The following ELP1 variants were observed in gnomAD, a reference collection of about 807,000 sequenced individuals.
ELP1 encodes the protein elongator complex protein 1.
In ELP1, 131 loss-of-function variants were observed where a neutral mutation model predicts 183.2. The observed-to-expected ratio is 0.72, with a 90% CI of 0.62 to 0.83. ELP1 has a LOEUF of 0.83. ELP1 is among the 40% of genes least tolerant of loss of function. The pLI is 0.00. For synonymous variants in ELP1, 555 were observed against 569.0 expected, an observed-to-expected ratio of 0.98 and a Z score of 0.35; for missense variants, 1,550 against 1,594.9, an observed-to-expected ratio of 0.97 and a Z score of 0.48.
chr9:108,897,005 C>G lies in ELP1; in HGVS notation c.2535G>C (p.Lys845Asn). Residue 845 changes from lysine (K) to asparagine (N), a missense_variant, in exon 24 of 37, where the codon AAG (lysine) becomes AAC (asparagine). Physicochemically the swap from Lys to Asn is moderately conservative, Grantham distance 94 (BLOSUM62 0). Coordinates refer to ENST00000374647, the MANE Select transcript of ELP1 (RefSeq NM_003640.5). ...CAATTTCCAGTTCTGGGGTTGTCTTCTTTACATGAGATGTAAGTATGGATA... is the reference window on the plus strand; with the variant it reads ...CAATTTCCAGTTCTGGGGTTGTCTTGTTTACATGAGATGTAAGTATGGATA... ...YCLSILTSHV[K>N]KTTPELEIVL... The G allele has an allele frequency of 3.7e-6, 6 of 1,614,050 alleles. No homozygotes were observed. Among genetic ancestry groups the G allele is most frequent in the Non-Finnish European group, 5.1e-6 (6 of 1,179,984 alleles).
chr9:108,889,507 G>C, intron 28 of ELP1, 114 bp from the exon 29 acceptor site: 2 of 935,042 alleles, frequency 2.1e-6, no homozygotes, highest in Middle Eastern at 4.3e-4. Flanking sequence ...GAATTTCTGT[G>C]AGGGAATAGG....
intron 27 of ELP1, 85 bp downstream of exon 27, chr9:108,892,901 G>A: frequency 1.1e-6 from 1 of 888,930 alleles, no homozygotes; most frequent in Non-Finnish European, 1.9e-6. Flanking sequence ...AGCCAAGGAT[G>A]GTGTTATGAA....
chr9:108,883,233 A>G (rs550401371), intron 29 of ELP1, among the ~76,000 whole-genome samples: 1 of 152,330 alleles, frequency 6.6e-6, no homozygotes, highest in South Asian at 2.1e-4. Context: ...GCGTGAACTC[A>G]GCTCACTGCA....
chr9:108,876,343 A>G (rs1314524883), intron 35 of ELP1, among the ~76,000 whole-genome samples: 1 of 152,212 alleles, frequency 6.6e-6, no homozygotes, highest in African/African-American at 2.4e-5. Context: ...TCTAAGAAAT[A>G]CCTATTATAA....
intron 29 of ELP1, among the ~76,000 whole-genome samples, chr9:108,883,249 A>G (rs1053368553): frequency 1.3e-5 from 2 of 152,202 alleles, no homozygotes; most frequent in Non-Finnish European, 2.9e-5. Context: ...CTGCAGTCTC[A>G]AACTTACAGG....
At position 108,868,848 on chromosome 9, in the gene ELP1, A is replaced by C; in HGVS notation, c.*267T>G. ...CATGATTACCATAATTATGCTCTCA[A>C]ACAGCCCAAGTGAAAGAACAATCAT... On this transcript the variant is annotated 3_prime_UTR_variant, in exon 37 of 37. Coordinates refer to ENST00000374647, the MANE Select transcript of ELP1 (RefSeq NM_003640.5). 2 of 598,218 alleles carry C rather than the reference A, an allele frequency of 3.3e-6. No homozygotes were observed. Among genetic ancestry groups the C allele is most frequent in the South Asian group, 2.1e-5 (1 of 48,554 alleles). 37.1% of individuals were successfully genotyped at this position (598,218 alleles called of 1,614,324 possible). A position where few individuals can be genotyped will look rare whatever the true frequency, so the allele number is the denominator to read the frequency against.
intron 28 of ELP1, among the ~76,000 whole-genome samples, chr9:108,890,197 G>A (rs12344049): frequency 0.14 from 21,103 of 152,044 alleles, 1,830 homozygotes; most frequent in African/African-American, 0.24. Context: ...GAGACCGAAC[G>A]AATAACTAAA....
At chr9:108,885,196 G>A (rs1828080442) in intron 29 of ELP1, among the ~76,000 whole-genome samples, 1 of 151,742 alleles carries the variant, frequency 6.6e-6, no homozygotes, top group Non-Finnish European at 1.5e-5. Context: ...AAAAAAGAAT[G>A]ATATAGAATA....
intron 36 of ELP1, among the ~76,000 whole-genome samples, chr9:108,872,291 G>A (rs1367559345): frequency 6.6e-6 from 1 of 152,188 alleles, no homozygotes; most frequent in African/African-American, 2.4e-5. Flanking sequence ...ACAGGAGGTA[G>A]CTACAAAATT....
At chr9:108,930,918 A>C in intron 2 of ELP1, 79 bp downstream of exon 2, 1 of 1,371,132 alleles carries the variant, frequency 7.3e-7, no homozygotes, top group Non-Finnish European at 1.0e-6. Context: ...ATAAAGAAAG[A>C]CCATGTGGGG....
At position 108,918,872 on chromosome 9, in the gene ELP1, CTCGGT is replaced by C. The variant is rs1449016398; in HGVS notation, c.674_678del (p.Asn225ArgfsTer9). On this transcript the variant is annotated frameshift_variant, in exon 8 of 37. Transcript: ENST00000374647. LOFTEE classifies it high-confidence loss of function. ...TCACTGGTTGACTGCAAAGCAAACT[CTCGGT>C]TCCACACTCTGACCTTCCGAGCCCC... The C allele has an allele frequency of 4.3e-6, 7 of 1,614,060 alleles. No homozygotes were observed. The highest frequency in any genetic ancestry group is 5.9e-6 in the Non-Finnish European group (7 of 1,180,018).
At position 108,906,503 on chromosome 9, in the gene ELP1, G is replaced by C. The variant is rs752896266; in HGVS notation, c.1461-18C>G. 3 of 1,603,088 alleles carry C rather than the reference G, an allele frequency of 1.9e-6. No individual in the cohort carries two copies. The highest frequency in any genetic ancestry group is 2.6e-6 in the Non-Finnish European group (3 of 1,170,226). On this transcript the variant is annotated intron_variant, in intron 13 of 36. Coordinates refer to ENST00000374647, the MANE Select transcript of ELP1 (RefSeq NM_003640.5). ...ACTGGATTCTATTGTAAATATTGAA[G>C]AATATCCAAGACATGAATAAAACTT...
chr9:108,878,374 T>C (rs899878481), intron 34 of ELP1, among the ~76,000 whole-genome samples: 1 of 152,164 alleles, frequency 6.6e-6, no homozygotes, highest in Non-Finnish European at 1.5e-5. Context: ...GTCCCACAAT[T>C]CTTTATCCTG....
chr9:108,919,379 T>C (rs769052952), intron 6 of ELP1, 30 bp from the exon 7 acceptor site: 1 of 1,446,518 alleles, frequency 6.9e-7, no homozygotes, highest in Non-Finnish European at 9.7e-7. Flanking sequence ...CCAATATTAC[T>C]GGGGGACCTT....
At chr9:108,908,451 C>A (rs1829097109) in intron 12 of ELP1, 47 bp from the exon 13 acceptor site, 5 of 1,378,848 alleles carry the variant, frequency 3.6e-6, no homozygotes, top group Non-Finnish European at 5.2e-6. Flanking sequence ...TATAAGATTT[C>A]ACCTAATACT....
chr9:108,910,667 G>T (rs1224865277), intron 12 of ELP1, among the ~76,000 whole-genome samples: 1 of 152,004 alleles, frequency 6.6e-6, no homozygotes, highest in Non-Finnish European at 1.5e-5. Context: ...TCCTAGGAGG[G>T]ATGAGATCAA....
chr9:108,917,697 T>C (rs2132028316), intron 8 of ELP1, 27 bp from the exon 9 acceptor site: 1 of 1,613,318 alleles, frequency 6.2e-7, no homozygotes, highest in Admixed American at 1.7e-5. Context: ...AGTGTTACAA[T>C]ATCGAAAGCT....
intron 29 of ELP1, among the ~76,000 whole-genome samples, chr9:108,887,933 T>C (rs376220486): frequency 6.6e-6 from 1 of 152,228 alleles, no homozygotes; most frequent in Non-Finnish European, 1.5e-5. Context: ...CCACGGGATG[T>C]GGCATTCCTA....
Position 108,896,484 on chromosome 9 carries a change from A to G in ELP1, c.2736+12T>C, listed in dbSNP as rs763396669. The G allele has an allele frequency of 6.2e-7, 1 of 1,613,786 alleles. No individual in the cohort carries two copies. The highest frequency in any genetic ancestry group is 8.5e-7 in the Non-Finnish European group (1 of 1,179,690). On this transcript the variant is annotated intron_variant, in intron 25 of 36. Transcript: ENST00000374647. ...AAGAACCAAATGGCATAAAAGTAAG[A>G]ACTCCACATACCTTCTGTGACTTCT...
Sources: allele counts gnomAD v4.1 joint callset (sites outside exome capture counted in the v4.1 genomes callset), GRCh38; gene constraint gnomAD v4.1.1; transcripts MANE v1.5; gene names NCBI Gene and HGNC (gene_info 2026-07-23, HGNC 2026-07-21).